PPP1CB: variants seen among roughly 807,000 people sequenced by gnomAD.
PPP1CB encodes the protein protein phosphatase 1 catalytic subunit beta.
A neutral mutation model predicts 43.7 loss-of-function variants in PPP1CB; 2 were observed. That is an observed-to-expected ratio of 0.05 (90% CI 0.02 to 0.14). The LOEUF is 0.14. Among genes scored for constraint, PPP1CB ranks in the 10% least tolerant of loss-of-function variants. The pLI is 1.00. For missense variants in PPP1CB, 84 were observed against 398.0 expected (o/e 0.21, Z 6.71); for synonymous variants, 136 against 135.6 (o/e 1.00, Z -0.02).
At chr2:28,771,040 TCCC>T (rs58673755) in intron 1 of PPP1CB, among the ~76,000 whole-genome samples, 1 of 69,994 alleles carries the variant, frequency 1.4e-5, no homozygotes, top group Non-Finnish European at 2.6e-5. Context: ...TATTCCCTGC[TCCC>T]CCCCCCCCAC....
rs1055732895 is a variant in PPP1CB at position 28,802,550 on chromosome 2, A to C, written c.*3247A>C. On this transcript the variant is annotated 3_prime_UTR_variant, in exon 8 of 8. Transcript: ENST00000395366. ...GTTTTATAATTCCTTAAAACAGCTG[A>C]AAATTGGGACAACATACTTTACGCA... 1 of 152,224 alleles carries C rather than the reference A, an allele frequency of 6.6e-6. No homozygotes were observed. Among genetic ancestry groups the C allele is most frequent in the Non-Finnish European group, 1.5e-5 (1 of 68,040 alleles). 9.4% of individuals were successfully genotyped at this position (152,224 alleles called of 1,614,324 possible).
chr2:28,770,371 A>G (rs186779900), intron 1 of PPP1CB, among the ~76,000 whole-genome samples: 496 of 46,686 alleles, frequency 0.011, 5 homozygotes, highest in African/African-American at 0.026. Flanking sequence ...CAAATGAGGA[A>G]GTAAAAAAAA....
rs1004510954 is a variant in PPP1CB, at chr2:28,752,024, C to T, written c.-101C>T. ...GGAGTTGGAGCCGGGGTCGAAACGC[C>T]GCGTGACTTGTAGGTGAGAGAACGC... On this transcript the variant is annotated 5_prime_UTR_variant, in exon 1 of 8. Coordinates refer to ENST00000395366, the MANE Select transcript of PPP1CB (RefSeq NM_002709.3). 2 of 1,176,700 alleles carry T rather than the reference C, an allele frequency of 1.7e-6. No homozygotes were observed. Among genetic ancestry groups the T allele is most frequent in the Middle Eastern group, 1.9e-4 (1 of 5,176 alleles). The allele number at this position is 1,176,700 out of a possible 1,614,324, so 72.9% of individuals were successfully genotyped here.
In PPP1CB at chr2:28,751,964, C is replaced by CGGGGAGGGGGTGG; in HGVS notation, c.-152_-140dup. On this transcript the variant is annotated 5_prime_UTR_variant, in exon 1 of 8. Transcript: ENST00000395366. ...GTGTGCGCGCGCTCTCGCTACCCGG[C>CGGGGAGGGGGTGG]GGGGAGGGGGTGGGGGGAGGGCCCG... is the stretch of plus-strand genomic sequence containing the variant. The CGGGGAGGGGGTGG allele has an allele frequency of 1.7e-6, 1 of 595,338 alleles. No homozygotes were observed. The allele number at this position is 595,338 out of a possible 1,614,324, so 36.9% of individuals were successfully genotyped here.
intron 1 of PPP1CB, among the ~76,000 whole-genome samples, chr2:28,772,169 A>T (rs1310735010): frequency 6.6e-6 from 1 of 152,018 alleles, no homozygotes; most frequent in East Asian, 1.9e-4. Flanking sequence ...TTAGCTGGGC[A>T]TGGTGGTGTG....
intron 7 of PPP1CB, among the ~76,000 whole-genome samples, chr2:28,794,819 GGTT>G (rs927016563): frequency 3.3e-5 from 5 of 151,964 alleles, no homozygotes; most frequent in African/African-American, 1.2e-4. Context: ...ATGTACGGGG[GGTT>G]GTTTGCTCAC....
rs566036888 is a variant in PPP1CB at position 28,802,418 on chromosome 2, T to C, written c.*3115T>C. On this transcript the variant is annotated 3_prime_UTR_variant, in exon 8 of 8. Coordinates refer to ENST00000395366, the MANE Select transcript of PPP1CB (RefSeq NM_002709.3). ...ATCCACCTCTTGTTTTCCTTGTGAG[T>C]CCATGGCTAAATCAAAGCTGCCCCT... 2 of 152,274 alleles carry C rather than the reference T, an allele frequency of 1.3e-5. No individual in the cohort carries two copies. Among genetic ancestry groups the C allele is most frequent in the African/African-American group, 4.8e-5 (2 of 41,548 alleles). The allele number at this position is 152,274 out of a possible 1,614,324, so 9.4% of individuals were successfully genotyped here.
chr2:28,762,503 G>A (rs1363889896), intron 1 of PPP1CB, among the ~76,000 whole-genome samples: 8 of 152,146 alleles, frequency 5.3e-5, no homozygotes, highest in Admixed American at 5.2e-4. Flanking sequence ...AAAGTCTGTA[G>A]TCCTACAGAT....
chr2:28,755,659 A>C (rs1299770221), intron 1 of PPP1CB, among the ~76,000 whole-genome samples: 1 of 152,206 alleles, frequency 6.6e-6, no homozygotes, highest in African/African-American at 2.4e-5. Flanking sequence ...AAATGGGAGT[A>C]TAGCAGAATC....
chr2:28,784,917 CAA>C (rs869155670), intron 5 of PPP1CB, among the ~76,000 whole-genome samples: 4 of 79,104 alleles, frequency 5.1e-5, no homozygotes, highest in Admixed American at 1.7e-4. Context: ...GAAACTGTCT[CAA>C]AAAAAAAAAA....
Position 28,802,874 on chromosome 2 carries a change from C to T in PPP1CB, c.*3571C>T, listed in dbSNP as rs1207918873. The T allele has an allele frequency of 1.3e-5, 2 of 152,168 alleles. No homozygotes were observed. Among genetic ancestry groups the T allele is most frequent in the Admixed American group, 1.3e-4 (2 of 15,266 alleles). The allele number at this position is 152,168 out of a possible 1,614,324, so 9.4% of individuals were successfully genotyped here. On this transcript the variant is annotated 3_prime_UTR_variant, in exon 8 of 8. Transcript: ENST00000395366. The stretch of plus-strand genomic sequence containing the variant: ...CTTAGACCGTAAGCTTTTTAAGTTT[C>T]TCATTGTAATTTACCTTCTCATGCA...
Position 28,799,464 on chromosome 2 carries a change from A to G in PPP1CB, c.*161A>G. 3.6e-6 allele frequency: 2 copies of G among 562,604 alleles called. No homozygotes were observed. The highest frequency in any genetic ancestry group is 6.3e-6 in the Non-Finnish European group (2 of 315,910). The allele number at this position is 562,604 out of a possible 1,614,324, so 34.9% of individuals were successfully genotyped here. ...GGATCTTAAATTTTTTTCTAATAGA[A>G]AGATGTGCTACACTGTATTGTAATA... On this transcript the variant is annotated 3_prime_UTR_variant, in exon 8 of 8. Transcript: ENST00000395366.
At chr2:28,765,180 G>A (rs1666751640) in intron 1 of PPP1CB, among the ~76,000 whole-genome samples, 1 of 152,164 alleles carries the variant, frequency 6.6e-6, no homozygotes, top group African/African-American at 2.4e-5. Context: ...TAATGGTTGA[G>A]TAAAGGACAG....
intron 5 of PPP1CB, among the ~76,000 whole-genome samples, chr2:28,787,703 C>G (rs978631795): frequency 6.6e-6 from 1 of 152,172 alleles, no homozygotes; most frequent in Admixed American, 6.5e-5. Flanking sequence ...TTTCCCCTTT[C>G]GGGATACGTT....
At chr2:28,766,980 C>G (rs1245243058) in intron 1 of PPP1CB, among the ~76,000 whole-genome samples, 1 of 151,828 alleles carries the variant, frequency 6.6e-6, no homozygotes, top group Non-Finnish European at 1.5e-5. Flanking sequence ...ACTTGGGAGG[C>G]TGAGGCAGGA....
At chr2:28,759,561 T>G (rs1029973949) in intron 1 of PPP1CB, among the ~76,000 whole-genome samples, 1 of 148,766 alleles carries the variant, frequency 6.7e-6, no homozygotes, top group Non-Finnish European at 1.5e-5. Context: ...AACACAATTA[T>G]ATAGAGTACA....
chr2:28,753,083 T>C (rs1458516711), intron 1 of PPP1CB, among the ~76,000 whole-genome samples: 1 of 152,208 alleles, frequency 6.6e-6, no homozygotes, highest in Non-Finnish European at 1.5e-5. Flanking sequence ...TATTGATTCA[T>C]TGCAGGATAT....
At chr2:28,767,043 T>C (rs959015420) in intron 1 of PPP1CB, among the ~76,000 whole-genome samples, 1 of 151,420 alleles carries the variant, frequency 6.6e-6, no homozygotes, top group Admixed American at 6.6e-5. Flanking sequence ...ATCACACCAC[T>C]GCAGTCCAGC....
intron 5 of PPP1CB, among the ~76,000 whole-genome samples, chr2:28,785,881 A>G (rs183971250): frequency 1.3e-5 from 2 of 152,178 alleles, no homozygotes; most frequent in East Asian, 3.9e-4. Flanking sequence ...ATTCTTCAGA[A>G]TATCTGTTTA....
Sources: gnomAD v4.1 joint callset for allele counts (sites outside exome capture counted in the v4.1 genomes callset) on GRCh38, gnomAD v4.1.1 for gene constraint, MANE v1.5 for transcripts, NCBI Gene and HGNC (gene_info 2026-07-23, HGNC 2026-07-21) for gene names.